Variants in TBC1D10C observed in about 807,000 individuals in gnomAD.
TBC1D10C encodes the protein TBC1 domain family member 10C.
TBC1D10C carries 49 observed loss-of-function variants against 51.0 expected under a neutral mutation model. The observed-to-expected ratio is 0.96, with a 90% CI of 0.76 to 1.22. The LOEUF is 1.22. Among genes scored for constraint, TBC1D10C ranks in the 50% most tolerant of loss-of-function variants. The pLI, the probability that TBC1D10C is intolerant of heterozygous loss-of-function variation, is 0.00. For missense variants in TBC1D10C, 541 were observed against 617.5 expected (o/e 0.88, Z 1.31); for synonymous variants, 281 against 266.7 (o/e 1.05, Z -0.52).
chr11:67,407,110 T>C, intron 7 of TBC1D10C, 94 bp downstream of exon 7: 1 of 1,393,960 alleles, frequency 7.2e-7, no homozygotes, highest in Non-Finnish European at 9.7e-7. Flanking sequence ...GAGCCTCAAA[T>C]CACAGGACTG....
intron 1 of TBC1D10C, chr11:67,404,818 C>T: frequency 2.1e-6 from 1 of 465,316 alleles, no homozygotes; most frequent in Non-Finnish European, 3.9e-6. Context: ...TTGTCTGTGT[C>T]CCTGTCCTGG....
In TBC1D10C at chr11:67,405,418, A is replaced by G; in HGVS notation, c.272A>G (p.Lys91Arg). ...RYKKVKMQCR[K>R]GIPSALRARC... ...CCACAGGTAAAGATGCAGTGCCGGAAAGGCATCCCGTCTGCCCTGCGCGCC... is the reference window on the plus strand; with the variant it reads ...CCACAGGTAAAGATGCAGTGCCGGAGAGGCATCCCGTCTGCCCTGCGCGCC... Residue 91 changes from lysine (K) to arginine (R), a missense_variant, in exon 3 of 9, where the codon AAA becomes AGA. Coordinates refer to ENST00000542590, the MANE Select transcript of TBC1D10C (RefSeq NM_001369496.1). 6.2e-7 allele frequency: 1 copy of G among 1,613,588 alleles called. No individual in the cohort carries two copies. The highest frequency in any genetic ancestry group is 8.5e-7 in the Non-Finnish European group (1 of 1,179,982).
Position 67,405,505 on chromosome 11 carries a change from A to G in TBC1D10C, c.359A>G (p.Gln120Arg), listed in dbSNP as rs1326008793. The G allele has an allele frequency of 6.2e-6, 10 of 1,613,700 alleles. No individual in the cohort carries two copies. Among genetic ancestry groups the G allele is most frequent in the Non-Finnish European group, 8.5e-6 (10 of 1,179,936 alleles). The change falls in exon 3 of 9, where the codon CAG becomes CGG. Residue 120 changes from glutamine to arginine, a missense_variant and splice_region_variant. Transcript: ENST00000542590. The stretch of plus-strand genomic sequence containing the variant: ...CAGAAGAACAGCCCTGGCACCTATC[A>G]GGTGAGGGAGTGGGCAGGGGCCCCA... ...VCQKNSPGTYQELAEAPGDPQ... is the reference protein window; with the variant it reads ...VCQKNSPGTYRELAEAPGDPQ...
intron 1 of TBC1D10C, 135 bp downstream of exon 1, chr11:67,404,489 A>C: frequency 2.1e-6 from 2 of 939,026 alleles, no homozygotes; most frequent in Non-Finnish European, 3.0e-6. Context: ...ACCCCTCTGC[A>C]GGTGCCAGGT....
intron 7 of TBC1D10C, chr11:67,407,468 AAAC>A (rs1045735238): frequency 4.1e-5 from 7 of 170,682 alleles, no homozygotes; most frequent in Admixed American, 3.4e-4. Context: ...GAAGAAAATA[AAAC>A]AAGGGATGTG....
In TBC1D10C at chr11:67,405,398, G is replaced by T. The variant is rs1282640972; in HGVS notation, c.253-1G>T. ...AGTGGAGCCCTTGGCCTCACCCACA[G>T]GTAAAGATGCAGTGCCGGAAAGGCA... On this transcript the variant is annotated splice_acceptor_variant, in intron 2 of 8. Coordinates refer to ENST00000542590, the MANE Select transcript of TBC1D10C (RefSeq NM_001369496.1). LOFTEE classifies it high-confidence loss of function. 6 of 1,613,134 alleles carry T rather than the reference G, an allele frequency of 3.7e-6. No individual in the cohort carries two copies. Among genetic ancestry groups the T allele is most frequent in the Non-Finnish European group, 5.1e-6 (6 of 1,179,868 alleles).
Position 67,404,858 on chromosome 11 carries a change from C to T in TBC1D10C, c.153-227C>T, listed in dbSNP as rs1043536780. The T allele has an allele frequency of 5.6e-6, 3 of 535,858 alleles. No homozygotes were observed. In the Admixed American group the frequency reaches 9.5e-5, roughly 17 times the overall value. The allele number at this position is 535,858 out of a possible 1,614,324, so 33.2% of individuals were successfully genotyped here. ...CAGCCAACCAGTCCCTCCCCCAATA[C>T]ACACCCACTCACCCCTTCAGTCTCC... is the stretch of plus-strand genomic sequence containing the variant. On this transcript the variant is annotated intron_variant, in intron 1 of 8. Coordinates refer to ENST00000542590, the MANE Select transcript of TBC1D10C (RefSeq NM_001369496.1).
chr11:67,409,086 C>A lies in TBC1D10C; in HGVS notation c.946C>A (p.Arg316=), dbSNP rs868018194. Residue 316 remains arginine (R), a synonymous_variant, in exon 8 of 9, where the codon CGA becomes AGA. Transcript: ENST00000542590. ...CCTCCTGGAGACACTGGGAGCCCTT[C>A]GAGCCATCCCCCCCGCGCAGCTGCA... The part of the protein sequence containing the change: ...PGLLETLGAL[R]AIPPAQLQEE... 2 of 1,603,258 alleles carry A rather than the reference C, an allele frequency of 1.2e-6. No individual in the cohort carries two copies. Among genetic ancestry groups the A allele is most frequent in the Admixed American group, 1.7e-5 (1 of 58,414 alleles).
At chr11:67,406,584 C>A in intron 5 of TBC1D10C, 43 bp from the exon 6 acceptor site, 1 of 1,525,280 alleles carries the variant, frequency 6.6e-7, no homozygotes, top group Non-Finnish European at 8.9e-7. Flanking sequence ...ACGGTCCCTT[C>A]CTTGGTGAGC....
intron 5 of TBC1D10C, 117 bp from the exon 6 acceptor site, chr11:67,406,510 T>C (rs983956824): frequency 2.3e-5 from 21 of 908,500 alleles, no homozygotes; most frequent in Non-Finnish European, 3.6e-5. Flanking sequence ...TGGCCCTGAG[T>C]GCAGGCCCCT....
Position 67,404,098 on chromosome 11 carries a change from C to T in TBC1D10C, c.-105C>T. ...GGGGCTTGGTGAGATACCCTGAAACCTCCCCCCTCTGACCCCGCAGCCAGG... is the reference window on the plus strand; with the variant it reads ...GGGGCTTGGTGAGATACCCTGAAACTTCCCCCCTCTGACCCCGCAGCCAGG... On this transcript the variant is annotated 5_prime_UTR_variant, in exon 1 of 9. Transcript: ENST00000542590. 3.0e-6 allele frequency: 4 copies of T among 1,350,700 alleles called. No individual in the cohort carries two copies. In the South Asian group the frequency reaches 6.4e-5, roughly 22 times the overall value. 83.7% of individuals were successfully genotyped at this position (1,350,700 alleles called of 1,614,324 possible). A position where few individuals can be genotyped will look rare whatever the true frequency, so the allele number is the denominator to read the frequency against.
In TBC1D10C at chr11:67,409,723, G is replaced by A; in HGVS notation, c.1310G>A (p.Gly437Asp). 2 of 1,589,724 alleles carry A rather than the reference G, an allele frequency of 1.3e-6. No homozygotes were observed. Among genetic ancestry groups the A allele is most frequent in the South Asian group, 2.2e-5 (2 of 89,792 alleles). Residue 437 changes from glycine to aspartate, a missense_variant, in exon 9 of 9, where the codon GGC becomes GAC. Coordinates refer to ENST00000542590, the MANE Select transcript of TBC1D10C (RefSeq NM_001369496.1). The part of the protein sequence containing the change: ...PIEGPPRPQR[G>D]STSFLDTRF ...GAGGGGCCCCCCAGGCCCCAACGAG[G>A]CTCCACCTCCTTCCTGGACACCCGC...
Position 67,404,195 on chromosome 11 carries a change from C to CG in TBC1D10C, c.-5dup. 1 of 1,519,454 alleles carries CG rather than the reference C, an allele frequency of 6.6e-7. No homozygotes were observed. The highest frequency in any genetic ancestry group is 8.9e-7 in the Non-Finnish European group (1 of 1,129,774). 94.1% of individuals were successfully genotyped at this position (1,519,454 alleles called of 1,614,324 possible). On this transcript the variant is annotated 5_prime_UTR_variant, in exon 1 of 9. Transcript: ENST00000542590. Reference sequence around the variant, plus strand: ...TCTCTGCCTGTGGCATCGAAGGCCCCGGGCACCATGGCCCAGGCCCTGGGG... The same window carrying CG: ...TCTCTGCCTGTGGCATCGAAGGCCCCGGGGCACCATGGCCCAGGCCCTGGGG...
intron 1 of TBC1D10C, among the ~76,000 whole-genome samples, 196 bp downstream of exon 1, chr11:67,404,550 C>T (rs1283112432): frequency 1.3e-5 from 2 of 152,090 alleles, no homozygotes; most frequent in Non-Finnish European, 2.9e-5. Flanking sequence ...GTCTCTTACC[C>T]CCAGCCTCCG....
chr11:67,405,491 C>T lies in TBC1D10C; in HGVS notation c.345C>T (p.Ser115=), dbSNP rs1175793077. The T allele has an allele frequency of 6.2e-7, 1 of 1,613,362 alleles. No individual in the cohort carries two copies. The highest frequency in any genetic ancestry group is 2.2e-5 in the East Asian group (1 of 44,852). Residue 115 remains serine (S), a synonymous_variant, in exon 3 of 9, where the codon AGC becomes AGT. Coordinates refer to ENST00000542590, the MANE Select transcript of TBC1D10C (RefSeq NM_001369496.1). ...GGGCCCATGTGTGCCAGAAGAACAG[C>T]CCTGGCACCTATCAGGTGAGGGAGT... is the stretch of plus-strand genomic sequence containing the variant. ...LCGAHVCQKN[S]PGTYQELAEA...
In TBC1D10C at chr11:67,409,625, A is replaced by G; in HGVS notation, c.1212A>G (p.Pro404=). 4.5e-6 allele frequency: 7 copies of G among 1,572,250 alleles called. No homozygotes were observed. Among genetic ancestry groups the G allele is most frequent in the Non-Finnish European group, 6.0e-6 (7 of 1,159,898 alleles). The change falls in exon 9 of 9, where the codon CCA becomes CCG. Residue 404 remains proline, a synonymous_variant. Transcript: ENST00000542590. ...IVVQPPEEPR[P]PRRKPQTRGK... Reference sequence around the variant, plus strand: ...TGCAGCCCCCGGAGGAGCCCAGACCACCGCGGCGGAAACCCCAGACCCGCG... The same window carrying G: ...TGCAGCCCCCGGAGGAGCCCAGACCGCCGCGGCGGAAACCCCAGACCCGCG...
At chr11:67,406,155 C>T in intron 5 of TBC1D10C, 138 bp downstream of exon 5, 2 of 700,070 alleles carry the variant, frequency 2.9e-6, no homozygotes, top group Non-Finnish European at 2.3e-6. Context: ...TCATGACTGC[C>T]AGCCTCAGTG....
chr11:67,406,982 A>T lies in TBC1D10C; in HGVS notation c.804A>T (p.Thr268=). ...TCGCCCGCTCCCTGCCCTTCCCCACAGTGCTGCGTGTCTGGGATGCCTTCC... is the reference window on the plus strand; with the variant it reads ...TCGCCCGCTCCCTGCCCTTCCCCACTGTGCTGCGTGTCTGGGATGCCTTCC... ...CLFARSLPFP[T]VLRVWDAFLS... Residue 268 remains threonine, a synonymous_variant, in exon 7 of 9, where the codon ACA becomes ACT. Coordinates refer to ENST00000542590, the MANE Select transcript of TBC1D10C (RefSeq NM_001369496.1). 1 of 1,612,966 alleles carries T rather than the reference A, an allele frequency of 6.2e-7. No individual in the cohort carries two copies. Among genetic ancestry groups the T allele is most frequent in the Non-Finnish European group, 8.5e-7 (1 of 1,179,892 alleles).
In TBC1D10C at chr11:67,409,756, AGGACCAT is replaced by A; in HGVS notation, c.*7_*13del. ...TCCTTCCTGGACACCCGCTTCTGAG[AGGACCAT>A]GGACTTAGTGTCCCCCAGTCTCAAT... On this transcript the variant is annotated 3_prime_UTR_variant, in exon 9 of 9. Coordinates refer to ENST00000542590, the MANE Select transcript of TBC1D10C (RefSeq NM_001369496.1). 1.3e-6 allele frequency: 2 copies of A among 1,579,574 alleles called. No homozygotes were observed. The highest frequency in any genetic ancestry group is 1.7e-6 in the Non-Finnish European group (2 of 1,173,698).
Sources: allele counts gnomAD v4.1 joint callset (sites outside exome capture counted in the v4.1 genomes callset), GRCh38; gene constraint gnomAD v4.1.1; transcripts MANE v1.5; gene names NCBI Gene and HGNC (gene_info 2026-07-23, HGNC 2026-07-21).